The following CIITA variants were observed in gnomAD, a reference collection of about 807,000 sequenced individuals.
CIITA encodes class II major histocompatibility complex transactivator, also known as MHC class II transactivator.
A neutral mutation model predicts 115.1 loss-of-function variants in CIITA; 72 were observed. The observed-to-expected ratio is 0.63, with a 90% CI of 0.52 to 0.76. The LOEUF is 0.76. Among genes scored for constraint, CIITA ranks in the 30% least tolerant of loss-of-function variants. The pLI is 0.00. For synonymous variants in CIITA, 763 were observed against 635.6 expected (o/e 1.20, Z -3.02); for missense variants, 1,617 against 1,463.8 (o/e 1.10, Z -1.71).
intron 1 of CIITA, among the ~76,000 whole-genome samples, chr16:10,883,631 G>A (rs2036638095): frequency 1.3e-5 from 2 of 152,174 alleles, no homozygotes; most frequent in Admixed American, 6.5e-5. Context: ...GTGGGGTCCT[G>A]TAGGATTTCC....
At chr16:10,898,021 T>C (rs6498119) in intron 3 of CIITA, among the ~76,000 whole-genome samples, 17,530 of 152,140 alleles carry the variant, frequency 0.12, 1,400 homozygotes, top group East Asian at 0.3. Flanking sequence ...AGCTATCTGT[T>C]CTCCTTCTCC....
chr16:10,903,872 T>G lies in CIITA; in HGVS notation c.914T>G (p.Leu305Arg). 6.2e-7 allele frequency: 1 copy of G among 1,614,222 alleles called. No individual in the cohort carries two copies. The highest frequency in any genetic ancestry group is 1.1e-5 in the South Asian group (1 of 91,088). ...CTGCCCAGCATGCCTGAACCTGCCC[T>G]GACCTCCCGAGCAAACATGACAGGT... is the stretch of plus-strand genomic sequence containing the variant. ...TDLPSMPEPA[L>R]TSRANMTEHK... Residue 305 changes from leucine to arginine, a missense_variant, in exon 9 of 20, where the codon CTG becomes CGG. Coordinates refer to ENST00000324288, the MANE Select transcript of CIITA (RefSeq NM_000246.4).
Position 10,901,941 on chromosome 16 carries a change from T to C in CIITA, c.482-97T>C. 9 of 1,509,084 alleles carry C rather than the reference T, an allele frequency of 6.0e-6. No homozygotes were observed. The highest frequency in any genetic ancestry group is 8.2e-6 in the Non-Finnish European group (9 of 1,094,148). 93.5% of individuals were successfully genotyped at this position (1,509,084 alleles called of 1,614,324 possible). A position where few individuals can be genotyped will look rare whatever the true frequency, so the allele number is the denominator to read the frequency against. Reference sequence around the variant, plus strand: ...GGCTGAGAAGATGACAAGCATTTCCTCTGTCAGGAGAGACATCCATGCCAC... The same window carrying C: ...GGCTGAGAAGATGACAAGCATTTCCCCTGTCAGGAGAGACATCCATGCCAC... On this transcript the variant is annotated intron_variant, in intron 6 of 19. Transcript: ENST00000324288. This position sits in a 1 kb window ranked among gnomAD's most constrained non-coding sequence, Gnocchi z 6.8.
chr16:10,922,600 T>C, intron 18 of CIITA, 110 bp downstream of exon 18: 1 of 1,077,590 alleles, frequency 9.3e-7, no homozygotes, highest in Non-Finnish European at 1.4e-6. Context: ...TCTGCAACCC[T>C]GGGTGAGCAG....
chr16:10,913,678 G>A (rs1596581225), intron 13 of CIITA, among the ~76,000 whole-genome samples: 1 of 150,052 alleles, frequency 6.7e-6, no homozygotes, highest in Non-Finnish European at 1.5e-5. Flanking sequence ...AGTGGCTTAT[G>A]CCTGTAATCC....
chr16:10,907,983 G>A lies in CIITA; in HGVS notation c.2491G>A (p.Gly831Ser), dbSNP rs759652613. ...GCAGCACGTGGTACAGGAGCTCCCC[G>A]GCCGCCTCTCTTTTCTGGGCACCCG... ...IWQHVVQELP[G>S]RLSFLGTRLT... Residue 831 changes from glycine (G) to serine (S), a missense_variant, in exon 11 of 20, where the codon GGC becomes AGC. Physicochemically the swap from Gly to Ser is moderately conservative, Grantham distance 56. Transcript: ENST00000324288. The surrounding 1 kb of genome is among the most constrained non-coding windows in gnomAD (Gnocchi z 5.0). 2.1e-5 allele frequency: 33 copies of A among 1,585,716 alleles called. No homozygotes were observed. Among genetic ancestry groups the A allele is most frequent in the East Asian group, 1.8e-4 (8 of 44,522 alleles).
intron 1 of CIITA, among the ~76,000 whole-genome samples, chr16:10,882,262 A>G (rs2036504127): frequency 6.6e-6 from 1 of 152,254 alleles, no homozygotes; most frequent in Non-Finnish European, 1.5e-5. Context: ...TGATATGTCA[A>G]TATGACCCCA....
At chr16:10,919,543 G>A (rs1567445593) in intron 16 of CIITA, among the ~76,000 whole-genome samples, 2 of 123,948 alleles carry the variant, frequency 1.6e-5, no homozygotes, top group Admixed American at 7.8e-5. Flanking sequence ...TGGAGATGGG[G>A]TCTCACCCAG....
intron 5 of CIITA, among the ~76,000 whole-genome samples, chr16:10,899,914 T>C (rs1489724349): frequency 6.6e-6 from 1 of 152,094 alleles, no homozygotes; most frequent in Non-Finnish European, 1.5e-5. Flanking sequence ...ACCGCGTCTC[T>C]ACCAAAAAAT....
chr16:10,918,467 G>A lies in CIITA; in HGVS notation c.3090G>A (p.Leu1030=). ...LNLSQNNITD[L]GAYKLAEALP... ...TGTCCCAGAACAACATCACTGACCT[G>A]GGTGCCTACAAACTCGCCGAGGCCC... Residue 1030 remains leucine, a synonymous_variant, in exon 16 of 20, where the codon CTG becomes CTA. Coordinates refer to ENST00000324288, the MANE Select transcript of CIITA (RefSeq NM_000246.4). 3 of 1,614,176 alleles carry A rather than the reference G, an allele frequency of 1.9e-6. No homozygotes were observed. Among genetic ancestry groups the A allele is most frequent in the Non-Finnish European group, 2.5e-6 (3 of 1,180,018 alleles).
At position 10,901,968 on chromosome 16, in the gene CIITA, C is replaced by T; in HGVS notation, c.482-70C>T. The T allele has an allele frequency of 1.3e-6, 2 of 1,593,842 alleles. No homozygotes were observed. The highest frequency in any genetic ancestry group is 2.2e-5 in the South Asian group (2 of 90,598). On this transcript the variant is annotated intron_variant, in intron 6 of 19. Transcript: ENST00000324288. This position sits in a 1 kb window ranked among gnomAD's most constrained non-coding sequence, Gnocchi z 6.8. ...TGTCAGGAGAGACATCCATGCCACT[C>T]CAGGGCCCTCCCCATCCCAGGAAGG...
In CIITA at chr16:10,920,889, T is replaced by A. The variant is rs2040233843; in HGVS notation, c.3150-1278T>A. Among the ~76,000 whole-genome samples the A allele has an allele frequency of 6.6e-6, 1 of 152,170 alleles. No individual in the cohort carries two copies. The highest frequency in any genetic ancestry group is 2.4e-5 in the African/African-American group (1 of 41,442). ...CTGCATTTATTTATTTTTTTCTTTT[T>A]TTTTCGAGACAGAGTTTCGCTCTTG... On this transcript the variant is annotated intron_variant, in intron 16 of 19. Coordinates refer to ENST00000324288, the MANE Select transcript of CIITA (RefSeq NM_000246.4). This position sits in a 1 kb window ranked among gnomAD's most constrained non-coding sequence, Gnocchi z 4.5.
rs2229318 is a variant in CIITA at position 10,895,694 on chromosome 16, C to T, written c.225C>T (p.Cys75=). 5.7e-3 allele frequency: 9,147 copies of T among 1,614,074 alleles called. 469 individuals carry two copies. In the African/African-American group the frequency reaches 0.11, roughly 19 times the overall value. ...YSEPDTDTIN[C]DQFSRLLCDM... ...AACCCGACACAGACACCATCAACTG[C>T]GACCAGTTCAGCAGGCTGTTGTGTG... Residue 75 remains cysteine (C), a synonymous_variant, in exon 3 of 20, where the codon TGC becomes TGT. Transcript: ENST00000324288.
At chr16:10,904,579 A>C (rs1401102120) in intron 9 of CIITA, among the ~76,000 whole-genome samples, 165 bp from the exon 10 acceptor site, 1 of 152,202 alleles carries the variant, frequency 6.6e-6, no homozygotes, top group African/African-American at 2.4e-5. Context: ...CAGTTGGCCA[A>C]AGAAAGACAT....
upstream of CIITA, among the ~76,000 whole-genome samples, chr16:10,874,765 A>C (rs1312343386): frequency 3.3e-5 from 5 of 152,070 alleles, no homozygotes; most frequent in Non-Finnish European, 7.4e-5. Context: ...CCCAGGTGAG[A>C]GATGGTAGTC....
intron 18 of CIITA, among the ~76,000 whole-genome samples, 166 bp downstream of exon 18, chr16:10,922,656 C>T (rs1324807053): frequency 2.0e-5 from 3 of 152,168 alleles, no homozygotes; most frequent in Non-Finnish European, 4.4e-5. Context: ...AAAGTGGGGA[C>T]AGTAATAATA....
downstream of CIITA, chr16:10,941,039 T>G (rs1321824761): frequency 1.3e-5 from 2 of 152,314 alleles, no homozygotes; most frequent in Admixed American, 1.3e-4. This position sits in a 1 kb window ranked among gnomAD's most constrained non-coding sequence, Gnocchi z 6.4. Flanking sequence ...AGTACGGGCT[T>G]CTTTGCTTGC....
At chr16:10,868,002 T>C (rs1383520139) in intron 1 of CIITA, among the ~76,000 whole-genome samples, 1 of 152,132 alleles carries the variant, frequency 6.6e-6, no homozygotes, top group African/African-American at 2.4e-5. Context: ...GCTCAAGCGA[T>C]CCTCCCACCT....
chr16:10,894,465 T>C (rs1315646372), intron 1 of CIITA, among the ~76,000 whole-genome samples: 1 of 152,226 alleles, frequency 6.6e-6, no homozygotes, highest in Non-Finnish European at 1.5e-5. Flanking sequence ...TTTTCTTGTT[T>C]TCTTTTGTTT....
Sources: gnomAD v4.1 joint callset for allele counts (sites outside exome capture counted in the v4.1 genomes callset) on GRCh38, gnomAD v4.1.1 for gene constraint, Gnocchi (gnomAD v3.1) non-coding constraint, MANE v1.5 for transcripts, NCBI Gene and HGNC (gene_info 2026-07-23, HGNC 2026-07-21) for gene names.